Variants in DCTN2 observed in about 807,000 individuals in gnomAD.
DCTN2 encodes the protein dynactin subunit 2, also known as 50 kDa dynein-associated polypeptide.
A neutral mutation model predicts 55.4 loss-of-function variants in DCTN2; 18 were observed. That is an observed-to-expected ratio of 0.32 (90% CI 0.22 to 0.48). The LOEUF is 0.48. Among genes scored for constraint, DCTN2 ranks in the 20% least tolerant of loss-of-function variants. The pLI is 0.99. For missense variants in DCTN2, 390 were observed against 491.0 expected, an observed-to-expected ratio of 0.79 and a Z score of 1.94; for synonymous variants, 168 against 185.2, an observed-to-expected ratio of 0.91 and a Z score of 0.76.
chr12:57,547,069 C>A lies in DCTN2; in HGVS notation c.-6G>T. On this transcript the variant is annotated 5_prime_UTR_variant, in exon 1 of 14. Coordinates refer to ENST00000548249, the MANE Select transcript of DCTN2 (RefSeq NM_001261413.2). ...GCGTATTTAGGGTCCGCCATGGCGG[C>A]GGCGAGACGGGCTGGGGGACCCGGG... The A allele has an allele frequency of 7.9e-7, 1 of 1,269,330 alleles. No individual in the cohort carries two copies. The allele number at this position is 1,269,330 out of a possible 1,614,324, so 78.6% of individuals were successfully genotyped here. A position where few individuals can be genotyped will look rare whatever the true frequency, so the allele number is the denominator to read the frequency against.
At chr12:57,532,179 C>T (rs1450614713) in intron 12 of DCTN2, 34 bp downstream of exon 12, 7 of 1,552,202 alleles carry the variant, frequency 4.5e-6, no homozygotes, top group Non-Finnish European at 6.1e-6. Context: ...CATTTTTCAA[C>T]TTCTCTTAGC....
At chr12:57,533,448 T>C (rs1360759602) in intron 7 of DCTN2, 145 bp from the exon 8 acceptor site, 2 of 814,804 alleles carry the variant, frequency 2.5e-6, no homozygotes, top group East Asian at 4.9e-5. Context: ...AATCTTAAAA[T>C]CCTAACCAAA....
intron 2 of DCTN2, among the ~76,000 whole-genome samples, chr12:57,539,086 T>C (rs545356375): frequency 6.6e-6 from 1 of 152,176 alleles, no homozygotes; most frequent in Non-Finnish European, 1.5e-5. Context: ...TCAGTCACAA[T>C]GAGAGTGATC....
At chr12:57,545,981 G>T in intron 2 of DCTN2, 47 bp downstream of exon 2, 1 of 1,586,996 alleles carries the variant, frequency 6.3e-7, no homozygotes, top group South Asian at 1.1e-5. Context: ...CTGTCTAGGG[G>T]AGAAAGGTCA....
intron 2 of DCTN2, chr12:57,544,242 A>G (rs967955030): frequency 8.0e-6 from 3 of 373,950 alleles, no homozygotes; most frequent in South Asian, 3.9e-5. Flanking sequence ...CAAAATCTGC[A>G]TATGTTCCCA....
At chr12:57,541,905 C>T (rs991963505) in intron 2 of DCTN2, among the ~76,000 whole-genome samples, 1 of 152,206 alleles carries the variant, frequency 6.6e-6, no homozygotes, top group African/African-American at 2.4e-5. Context: ...AGGGCTACAG[C>T]CCGTGCACTT....
At chr12:57,539,398 C>T (rs372850047) in intron 2 of DCTN2, among the ~76,000 whole-genome samples, 5 of 152,358 alleles carry the variant, frequency 3.3e-5, no homozygotes, top group African/African-American at 1.2e-4. Context: ...GAACATGTTT[C>T]TTCAACCCTC....
intron 11 of DCTN2, 79 bp from the exon 12 acceptor site, chr12:57,532,394 T>C: frequency 7.2e-7 from 1 of 1,389,574 alleles, no homozygotes; most frequent in Non-Finnish European, 1.0e-6. Context: ...TTCACCGTAA[T>C]GGGGGAAAGG....
Position 57,533,412 on chromosome 12 carries a change from T to C in DCTN2, c.670-109A>G. 3.0e-6 allele frequency: 3 copies of C among 985,546 alleles called. No homozygotes were observed. The South Asian group carries it at 3.9e-5, about 13-fold the overall frequency. The allele number at this position is 985,546 out of a possible 1,614,324, so 61.1% of individuals were successfully genotyped here. ...GCCACTCACCACCCCAAGGGATTCC[T>C]TTCCCTGGAATACATACCTAGCCAC... On this transcript the variant is annotated intron_variant, in intron 7 of 13. Transcript: ENST00000548249.
At chr12:57,531,923 A>G in intron 13 of DCTN2, 92 bp downstream of exon 13, 2 of 1,528,076 alleles carry the variant, frequency 1.3e-6, no homozygotes, top group East Asian at 4.9e-5. Context: ...ACACCATGCT[A>G]CAAAATAGGC....
rs1302980872 is a variant in DCTN2, at chr12:57,535,515, C to A, written c.233G>T (p.Arg78Met). 6.2e-7 allele frequency: 1 copy of A among 1,614,026 alleles called. No individual in the cohort carries two copies. The highest frequency in any genetic ancestry group is 8.5e-7 in the Non-Finnish European group (1 of 1,179,894). ...ATATTCTCCAGATTCATATCCTGTC[C>A]TCTTGGTTTTTCCAATACGATCTGA... ...DFSDRIGKTK[R>M]TGYESGEYEM... Residue 78 changes from arginine to methionine, a missense_variant, in exon 4 of 14, where the codon AGG becomes ATG. Arg to Met is a moderately conservative substitution (Grantham distance 91, BLOSUM62 -1). Coordinates refer to ENST00000548249, the MANE Select transcript of DCTN2 (RefSeq NM_001261413.2).
In DCTN2 at chr12:57,532,004, G is replaced by A. The variant is rs1879767315; in HGVS notation, c.1119+11C>T. On this transcript the variant is annotated intron_variant, in intron 13 of 13. Transcript: ENST00000548249. The stretch of plus-strand genomic sequence containing the variant: ...GGAGAAAGGAGGACAGATCAACAAA[G>A]GGGCACACACCTGGGTCAAGAGGGT... The A allele has an allele frequency of 1.9e-6, 3 of 1,556,930 alleles. No homozygotes were observed. The highest frequency in any genetic ancestry group is 2.6e-6 in the Non-Finnish European group (3 of 1,149,778).
chr12:57,541,481 GGA>G, intron 2 of DCTN2: 1 of 1,142,454 alleles, frequency 8.8e-7, no homozygotes, highest in Non-Finnish European at 1.3e-6. Flanking sequence ...GCATACTCCA[GGA>G]TCTTCTAAAC....
At chr12:57,533,744 C>G (rs1460142445) in intron 7 of DCTN2, among the ~76,000 whole-genome samples, 1 of 148,828 alleles carries the variant, frequency 6.7e-6, no homozygotes, top group Non-Finnish European at 1.5e-5. Flanking sequence ...GCACTCCAGC[C>G]TGGGAAACAG....
rs114926034 is a variant in DCTN2, at chr12:57,534,413, G to C, written c.403C>G (p.Pro135Ala). Residue 135 changes from proline to alanine, a missense_variant, in exon 6 of 14, where the codon CCT becomes GCT. This residue lies in a region of DCTN2 where 117 missense variants were observed against 187.8 expected (regional missense o/e 0.62). Transcript: ENST00000548249. The part of the protein sequence containing the change: ...KESATEEKLT[P>A]VLLAKQLAAL... ...GCCAGCTGTTTAGCCAGCAACACAG[G>C]GGTCAGCTTCTCCTCTGTGGCTGAC... is the stretch of plus-strand genomic sequence containing the variant. The C allele has an allele frequency of 9.4e-4, 1,516 of 1,611,364 alleles. 15 individuals are homozygous for C. The African/African-American group carries it at 0.018, about 19-fold the overall frequency.
Position 57,530,775 on chromosome 12 carries a change from C to T in DCTN2, c.1120G>A (p.Val374Met), listed in dbSNP as rs764561977. Residue 374 changes from valine to methionine, a missense_variant and splice_region_variant, in exon 14 of 14, where the codon GTG becomes ATG. Val to Met is a conservative substitution (Grantham distance 21). Coordinates refer to ENST00000548249, the MANE Select transcript of DCTN2 (RefSeq NM_001261413.2). ...LKDNTTLLTQVQTTMRENLAT... is the reference protein window; with the variant it reads ...LKDNTTLLTQMQTTMRENLAT... Reference sequence around the variant, plus strand: ...AGGTTTTCACGCATGGTTGTCTGCACCTACAAAGTGGTAGAGAGGTTTTAC... The same window carrying T: ...AGGTTTTCACGCATGGTTGTCTGCATCTACAAAGTGGTAGAGAGGTTTTAC... The T allele has an allele frequency of 1.2e-6, 2 of 1,613,088 alleles. No homozygotes were observed. Among genetic ancestry groups the T allele is most frequent in the Non-Finnish European group, 1.7e-6 (2 of 1,179,134 alleles).
At position 57,535,780 on chromosome 12, in the gene DCTN2, G is replaced by A. The variant is rs757880849; in HGVS notation, c.171C>T (p.Phe57=). 6.2e-7 allele frequency: 1 copy of A among 1,613,932 alleles called. No homozygotes were observed. The highest frequency in any genetic ancestry group is 1.1e-5 in the South Asian group (1 of 91,064). ...IVNPNAAYDK[F]KDKRVGTKGL... is the part of the protein sequence containing the mutation. ...CCTTTGTCCCCACTCTCTTGTCCTT[G>A]AACTTGTCATAGGCAGCATTAGGAT... The change falls in exon 3 of 14, where the codon TTC becomes TTT. Residue 57 remains phenylalanine, a synonymous_variant. Coordinates refer to ENST00000548249, the MANE Select transcript of DCTN2 (RefSeq NM_001261413.2).
In DCTN2 at chr12:57,547,089, C is replaced by G; in HGVS notation, c.-26G>C. 1 of 1,260,724 alleles carries G rather than the reference C, an allele frequency of 7.9e-7. No homozygotes were observed. The highest frequency in any genetic ancestry group is 1.0e-6 in the Non-Finnish European group (1 of 994,930). 78.1% of individuals were successfully genotyped at this position (1,260,724 alleles called of 1,614,324 possible). On this transcript the variant is annotated 5_prime_UTR_variant, in exon 1 of 14. Coordinates refer to ENST00000548249, the MANE Select transcript of DCTN2 (RefSeq NM_001261413.2). Reference sequence around the variant, plus strand: ...GGCGGCGGCGAGACGGGCTGGGGGACCCGGGCCTCGGTGGAGCCGGGGCCG... The same window carrying G: ...GGCGGCGGCGAGACGGGCTGGGGGAGCCGGGCCTCGGTGGAGCCGGGGCCG...
intron 2 of DCTN2, 189 bp from the exon 3 acceptor site, chr12:57,536,034 C>A (rs1307112597): frequency 5.0e-6 from 3 of 594,782 alleles, no homozygotes; most frequent in Non-Finnish European, 9.0e-6. Context: ...AAATTTGGAG[C>A]CTCAGTTGTA....
Sources: gnomAD v4.1 joint callset for allele counts (sites outside exome capture counted in the v4.1 genomes callset) on GRCh38, gnomAD v4.1.1 for gene constraint, gnomAD v4.1.1 regional missense constraint, MANE v1.5 for transcripts, NCBI Gene and HGNC (gene_info 2026-07-23, HGNC 2026-07-21) for gene names.